DROSHA: variants seen among roughly 807,000 people sequenced by gnomAD.
DROSHA encodes ribonuclease 3.
DROSHA carries 56 observed loss-of-function variants against 181.9 expected under a neutral mutation model. That is an observed-to-expected ratio of 0.31 (90% CI 0.25 to 0.38). The LOEUF is 0.38. Ranked by LOEUF, DROSHA falls within the 10% of genes least tolerant of loss-of-function variation. DROSHA has a pLI of 1.00. For missense variants in DROSHA, 1,218 were observed against 1,743.5 expected, an observed-to-expected ratio of 0.70 and a Z score of 5.37; for synonymous variants, 524 against 591.2, an observed-to-expected ratio of 0.89 and a Z score of 1.65.
intron 8 of DROSHA, 149 bp from the exon 9 acceptor site, chr5:31,511,325 T>G: frequency 1.3e-6 from 1 of 752,688 alleles, no homozygotes; most frequent in Non-Finnish European, 2.1e-6. Context: ...AACAAAATGC[T>G]CAAGTACTGG....
intron 16 of DROSHA, among the ~76,000 whole-genome samples, chr5:31,476,799 A>C (rs898419469): frequency 6.6e-6 from 1 of 152,168 alleles, no homozygotes. Flanking sequence ...TCTCACACCC[A>C]GCCTGGCAAA....
rs1749312674 is a variant in DROSHA at position 31,468,184 on chromosome 5, A to G, written c.2242-121T>C. ...GGAAAGCCTTGTCCCCAAAGGGAAA[A>G]GGTCATTTAAAACCCTTTAATTACA... On this transcript the variant is annotated intron_variant, in intron 17 of 35. Transcript: ENST00000344624. The G allele has an allele frequency of 9.3e-6, 11 of 1,187,842 alleles. No individual in the cohort carries two copies. The South Asian group carries it at 1.8e-4, about 20-fold the overall frequency. The allele number at this position is 1,187,842 out of a possible 1,614,324, so 73.6% of individuals were successfully genotyped here.
intron 27 of DROSHA, among the ~76,000 whole-genome samples, chr5:31,426,763 T>A (rs16901135): frequency 1.3e-5 from 2 of 152,068 alleles, no homozygotes; most frequent in African/African-American, 4.8e-5. Context: ...CTTGGGAGGC[T>A]GTAACCAAAG....
chr5:31,447,039 C>T (rs545692933), intron 23 of DROSHA, among the ~76,000 whole-genome samples: 118 of 150,676 alleles, frequency 7.8e-4, no homozygotes, highest in African/African-American at 2.7e-3. Flanking sequence ...GATACTGTCT[C>T]GAAAAAAAAA....
At chr5:31,410,715 G>A in intron 31 of DROSHA, 31 bp downstream of exon 31, 1 of 1,604,284 alleles carries the variant, frequency 6.2e-7, no homozygotes. Context: ...CTCTGAACCT[G>A]GAGGTTGAGA....
At chr5:31,405,587 A>T (rs1173550952) in intron 35 of DROSHA, 90 bp downstream of exon 35, 3 of 1,147,804 alleles carry the variant, frequency 2.6e-6, no homozygotes, top group Non-Finnish European at 3.7e-6. Flanking sequence ...ACATTTTATC[A>T]ATACTTACCA....
intron 25 of DROSHA, among the ~76,000 whole-genome samples, chr5:31,433,669 C>A (rs371262517): frequency 1.1e-4 from 16 of 152,110 alleles, no homozygotes; most frequent in Non-Finnish European, 2.2e-4. Context: ...CTCAGCCTCC[C>A]GAGTAGCCGG....
chr5:31,529,722 C>T (rs1438599281), intron 3 of DROSHA, among the ~76,000 whole-genome samples: 2 of 71,632 alleles, frequency 2.8e-5, no homozygotes, highest in South Asian at 4.6e-4. Context: ...GCGACAGTCT[C>T]AAAAAAACAA....
At chr5:31,421,943 A>C (rs1378453445) in intron 29 of DROSHA, 1 of 123,462 alleles carries the variant, frequency 8.1e-6, no homozygotes, top group African/African-American at 3.6e-5. Context: ...TATATAAATT[A>C]GCCAGGCATG....
At chr5:31,452,154 C>A (rs1747109544) in intron 20 of DROSHA, among the ~76,000 whole-genome samples, 1 of 152,122 alleles carries the variant, frequency 6.6e-6, no homozygotes, top group African/African-American at 2.4e-5. Flanking sequence ...TTCATTCATT[C>A]TGAAACTTTT....
At chr5:31,437,364 C>G in intron 23 of DROSHA, 66 bp from the exon 24 acceptor site, 1 of 1,182,758 alleles carries the variant, frequency 8.5e-7, no homozygotes, top group Non-Finnish European at 1.1e-6. Context: ...CCACCCACCC[C>G]CGCAAGAAAA....
At chr5:31,422,627 C>A (rs1742904168) in intron 29 of DROSHA, among the ~76,000 whole-genome samples, 160 bp downstream of exon 29, 1 of 152,182 alleles carries the variant, frequency 6.6e-6, no homozygotes, top group Non-Finnish European at 1.5e-5. Flanking sequence ...GGAGCATAAC[C>A]CCAGGTCCAC....
chr5:31,524,343 T>A (rs1203624024), intron 5 of DROSHA, among the ~76,000 whole-genome samples: 4 of 152,168 alleles, frequency 2.6e-5, no homozygotes, highest in Non-Finnish European at 5.9e-5. Flanking sequence ...GTGAACTGGT[T>A]CCTAAATCAG....
chr5:31,415,951 C>T (rs1741889248), intron 30 of DROSHA, among the ~76,000 whole-genome samples: 1 of 152,182 alleles, frequency 6.6e-6, no homozygotes, highest in Non-Finnish European at 1.5e-5. Context: ...AATGCAAACT[C>T]GGTTATCCTA....
chr5:31,439,953 C>T (rs552493661), intron 23 of DROSHA, among the ~76,000 whole-genome samples: 1 of 152,288 alleles, frequency 6.6e-6, no homozygotes, highest in South Asian at 2.1e-4. Flanking sequence ...TTTCTTAAAT[C>T]TCTCTGACAC....
intron 17 of DROSHA, among the ~76,000 whole-genome samples, chr5:31,469,427 T>C (rs1749489462): frequency 6.6e-6 from 1 of 152,174 alleles, no homozygotes; most frequent in South Asian, 2.1e-4. Context: ...AAAATGTCAC[T>C]AGCTTCTTGA....
rs538685840 is a variant in DROSHA at position 31,477,314 on chromosome 5, A to G, written c.2072-5082T>C. On this transcript the variant is annotated intron_variant, in intron 16 of 35. Coordinates refer to ENST00000344624, the MANE Select transcript of DROSHA (RefSeq NM_001382508.1). ...CTTATAAGAGTATTTCTCAACTGTTAGTACTCAACTTTAAGAAATACAAAA... is the reference window on the plus strand; with the variant it reads ...CTTATAAGAGTATTTCTCAACTGTTGGTACTCAACTTTAAGAAATACAAAA... 3.9e-5 allele frequency among the ~76,000 whole-genome samples: 6 copies of G among 152,344 alleles called. 1 individual carries two copies. Among genetic ancestry groups the G allele is most frequent in the African/African-American group, 1.4e-4 (6 of 41,588 alleles).
At chr5:31,519,402 G>A (rs1739623639) in intron 6 of DROSHA, among the ~76,000 whole-genome samples, 1 of 152,014 alleles carries the variant, frequency 6.6e-6, no homozygotes. Flanking sequence ...CTAATCCAGA[G>A]CAACATGTAA....
intron 23 of DROSHA, among the ~76,000 whole-genome samples, chr5:31,444,390 A>C (rs891822508): frequency 1.3e-5 from 2 of 152,240 alleles, no homozygotes; most frequent in African/African-American, 4.8e-5. Flanking sequence ...TTATTTGTTT[A>C]TTCTCTGTCA....
Sources: allele counts gnomAD v4.1 joint callset (sites outside exome capture counted in the v4.1 genomes callset), GRCh38; gene constraint gnomAD v4.1.1; transcripts MANE v1.5; gene names NCBI Gene and HGNC (gene_info 2026-07-23, HGNC 2026-07-21).